Variants in MNAT1 observed in about 807,000 individuals in gnomAD.
MNAT1 encodes MNAT1 component of CDK activating kinase.
In MNAT1, 43 loss-of-function variants were observed where a neutral mutation model predicts 42.0. That is an observed-to-expected ratio of 1.02 (90% CI 0.80 to 1.32). The LOEUF (loss-of-function observed/expected upper bound fraction) is 1.32, where lower values mean the gene tolerates loss of function less well. MNAT1 is among the 40% of genes most tolerant of loss of function. The probability of loss-of-function intolerance (pLI) is 0.00; values close to 1 mark genes in which losing one functional copy is unlikely to be tolerated. For missense variants in MNAT1, 306 were observed against 350.4 expected (o/e 0.87, Z 1.01); for synonymous variants, 118 against 120.0 (o/e 0.98, Z 0.11).
chr14:60,925,868 C>T (rs2035754036), intron 7 of MNAT1, among the ~76,000 whole-genome samples: 1 of 152,168 alleles, frequency 6.6e-6, no homozygotes, highest in Non-Finnish European at 1.5e-5. Context: ...TTTAAGTTCA[C>T]ATTTGGCAGA....
chr14:60,955,852 A>G (rs184258730), intron 7 of MNAT1, among the ~76,000 whole-genome samples: 3 of 151,854 alleles, frequency 2.0e-5, no homozygotes, highest in African/African-American at 7.3e-5. Flanking sequence ...CCTCAATTGT[A>G]ATATCTCCTC....
intron 7 of MNAT1, among the ~76,000 whole-genome samples, chr14:60,921,317 AT>A (rs1225392500): frequency 6.6e-6 from 1 of 152,176 alleles, no homozygotes; most frequent in East Asian, 1.9e-4. Context: ...AAATAAATAA[AT>A]TCATTGGGTA....
chr14:60,915,851 A>T (rs903949694), intron 7 of MNAT1, among the ~76,000 whole-genome samples: 3 of 152,214 alleles, frequency 2.0e-5, no homozygotes, highest in Non-Finnish European at 4.4e-5. Flanking sequence ...TTTTACCTCA[A>T]ACTTAACTTA....
At chr14:60,799,705 T>A (rs955993379) in intron 3 of MNAT1, among the ~76,000 whole-genome samples, 2 of 151,288 alleles carry the variant, frequency 1.3e-5, no homozygotes, top group African/African-American at 2.4e-5. Context: ...AAAAAATATA[T>A]ATATATATAT....
chr14:60,924,295 C>A, intron 7 of MNAT1, among the ~76,000 whole-genome samples: 1 of 148,426 alleles, frequency 6.7e-6, no homozygotes. Context: ...TGATATGTCA[C>A]ATACATGTAA....
At chr14:60,818,991 A>G in intron 6 of MNAT1, 144 bp downstream of exon 6, 1 of 839,718 alleles carries the variant, frequency 1.2e-6, no homozygotes, top group South Asian at 2.3e-5. Context: ...GGAAATATGG[A>G]TGGGTGCAGT....
At chr14:60,752,557 C>T (rs2030142545) in intron 1 of MNAT1, among the ~76,000 whole-genome samples, 2 of 152,034 alleles carry the variant, frequency 1.3e-5, no homozygotes, top group African/African-American at 4.8e-5. Context: ...CTCAGCTGCT[C>T]TGGAGGCTGG....
At chr14:60,908,368 C>T (rs368232225) in intron 7 of MNAT1, among the ~76,000 whole-genome samples, 5 of 151,980 alleles carry the variant, frequency 3.3e-5, no homozygotes, top group East Asian at 1.9e-4. Context: ...ATGTGTACAA[C>T]GTGCAGGTTT....
intron 1 of MNAT1, among the ~76,000 whole-genome samples, chr14:60,787,939 T>G (rs1193488863): frequency 6.6e-6 from 1 of 152,196 alleles, no homozygotes; most frequent in African/African-American, 2.4e-5. Context: ...TTCTTCCAAA[T>G]GCCTTTTAAT....
At chr14:60,736,072 GA>G (rs1270521120) in intron 1 of MNAT1, among the ~76,000 whole-genome samples, 1 of 152,116 alleles carries the variant, frequency 6.6e-6, no homozygotes, top group Non-Finnish European at 1.5e-5. Context: ...TTTTCTAATT[GA>G]TCTTTATTTT....
In MNAT1 at chr14:60,895,396, T is replaced by C. The variant is rs113463759; in HGVS notation, c.809+15561T>C. ...CTGTTCATAAGGTATGAGGATAAGG[T>C]ATCAGTTTTGTAAAGCTGTAATATT... On this transcript the variant is annotated intron_variant, in intron 7 of 7. Transcript: ENST00000261245. Among the ~76,000 whole-genome samples the C allele has an allele frequency of 1.9e-3, 296 of 152,308 alleles. 2 individuals are homozygous for C. The highest frequency in any genetic ancestry group is 0.01 in the Middle Eastern group (3 of 294).
At chr14:60,901,746 G>A (rs1232599983) in intron 7 of MNAT1, among the ~76,000 whole-genome samples, 1 of 152,188 alleles carries the variant, frequency 6.6e-6, no homozygotes, top group Non-Finnish European at 1.5e-5. Context: ...TAGCCGTGGA[G>A]ACTGAAGATA....
chr14:60,736,288 G>C (rs937774885), intron 1 of MNAT1, among the ~76,000 whole-genome samples: 1 of 151,682 alleles, frequency 6.6e-6, no homozygotes, highest in South Asian at 2.1e-4. Flanking sequence ...ACAGGAAAGA[G>C]AGTTTGTTTT....
chr14:60,839,359 A>C (rs748421700), intron 6 of MNAT1, among the ~76,000 whole-genome samples: 22 of 152,150 alleles, frequency 1.4e-4, no homozygotes, highest in Non-Finnish European at 2.4e-4. Flanking sequence ...AGAGCTGGAC[A>C]CTTGTCTAGA....
At chr14:60,811,164 G>T (rs181610107) in intron 4 of MNAT1, among the ~76,000 whole-genome samples, 2 of 152,016 alleles carry the variant, frequency 1.3e-5, no homozygotes, top group Non-Finnish European at 2.9e-5. Context: ...AATGGTGCCA[G>T]CATTCATCCA....
intron 3 of MNAT1, among the ~76,000 whole-genome samples, chr14:60,801,843 A>G (rs1021275070): frequency 2.0e-5 from 3 of 152,202 alleles, no homozygotes; most frequent in African/African-American, 7.2e-5. Flanking sequence ...CTATAGCCCT[A>G]TTCACAGTAG....
chr14:60,916,033 T>C (rs2035505547), intron 7 of MNAT1, among the ~76,000 whole-genome samples: 1 of 152,170 alleles, frequency 6.6e-6, no homozygotes. Context: ...TGGAGCGCTG[T>C]GGTAACTTTT....
chr14:60,951,266 CTTT>C (rs33970682), intron 7 of MNAT1, among the ~76,000 whole-genome samples: 8 of 87,884 alleles, frequency 9.1e-5, no homozygotes, highest in African/African-American at 1.3e-4. Context: ...CTTCCCCTCC[CTTT>C]TTTTTTTTTT....
chr14:60,883,592 G>A (rs189452740), intron 7 of MNAT1, among the ~76,000 whole-genome samples: 1 of 151,818 alleles, frequency 6.6e-6, no homozygotes, highest in African/African-American at 2.4e-5. Flanking sequence ...ATAAATTTTA[G>A]GAATTTTTTA....
Sources: allele counts gnomAD v4.1 joint callset (sites outside exome capture counted in the v4.1 genomes callset), GRCh38; gene constraint gnomAD v4.1.1; transcripts MANE v1.5; gene names NCBI Gene and HGNC (gene_info 2026-07-23, HGNC 2026-07-21).